Variants in SYN3 observed in about 807,000 individuals in gnomAD.
SYN3 encodes synapsin-3.
Under a neutral mutation model 65.8 loss-of-function variants are expected in SYN3, and 35 were observed. That is an observed-to-expected ratio of 0.53 (90% confidence interval 0.41 to 0.70). The LOEUF (loss-of-function observed/expected upper bound fraction) is 0.70, where lower values mean the gene tolerates loss of function less well. Among genes scored for constraint, SYN3 ranks in the 30% least tolerant of loss-of-function variants. SYN3 has a pLI of 0.00. For synonymous variants in SYN3, 270 were observed against 292.9 expected (o/e 0.92, Z 0.80); for missense variants, 680 against 749.0 (o/e 0.91, Z 1.08).
intron 13 of SYN3, 147 bp from the exon 14 acceptor site, chr22:32,513,971 T>C (rs2057728639): frequency 7.9e-6 from 8 of 1,014,790 alleles, no homozygotes; most frequent in Admixed American, 2.7e-5. Flanking sequence ...AATGCTTACA[T>C]GATGTCAGGT....
intron 2 of SYN3, among the ~76,000 whole-genome samples, chr22:33,000,534 T>G (rs563480061): frequency 2.0e-5 from 3 of 152,262 alleles, no homozygotes; most frequent in East Asian, 3.9e-4. Context: ...TTACCCCACC[T>G]GTCCACAACA....
At chr22:32,782,161 T>C (rs130544) in intron 6 of SYN3, among the ~76,000 whole-genome samples, 140,583 of 151,838 alleles carry the variant, frequency 0.93, 65,167 homozygotes, top group East Asian at 0.96. Flanking sequence ...CTCTGCCTCC[T>C]GGTTTCAAGC....
Position 33,006,253 on chromosome 22 carries a change from G to C in SYN3, c.311+99C>G, listed in dbSNP as rs1295760954. 2.2e-6 allele frequency: 3 copies of C among 1,372,198 alleles called. No individual in the cohort carries two copies. The East Asian group carries it at 6.9e-5, about 32-fold the overall frequency. 85.0% of individuals were successfully genotyped at this position (1,372,198 alleles called of 1,614,324 possible). The stretch of plus-strand genomic sequence containing the variant: ...CCAGCCAGGCTCTGATAGCACCCAA[G>C]CCTCTCATAGCTCTCCCCTTCTATT... On this transcript the variant is annotated intron_variant, in intron 2 of 13. Coordinates refer to ENST00000358763, the MANE Select transcript of SYN3 (RefSeq NM_003490.4).
chr22:32,678,309 C>T (rs1056735874), intron 6 of SYN3, among the ~76,000 whole-genome samples: 5 of 152,186 alleles, frequency 3.3e-5, no homozygotes, highest in Non-Finnish European at 7.4e-5. Flanking sequence ...AGCACAAACT[C>T]ACTGTGGGCT....
chr22:32,523,240 T>C lies in SYN3; in HGVS notation c.1318+4678A>G, dbSNP rs369053270. 1.2e-4 allele frequency among the ~76,000 whole-genome samples: 18 copies of C among 152,306 alleles called. No homozygotes were observed. In the South Asian group the frequency reaches 3.3e-3, roughly 28 times the overall value. ...TATAAGACAGTGAACTGGCCGGGCG[T>C]GGTGGCTCATGCCTGTAATCCCAGC... is the stretch of plus-strand genomic sequence containing the variant. On this transcript the variant is annotated intron_variant, in intron 12 of 13. Coordinates refer to ENST00000358763, the MANE Select transcript of SYN3 (RefSeq NM_003490.4).
intron 6 of SYN3, among the ~76,000 whole-genome samples, chr22:32,762,251 G>A (rs901549643): frequency 1.6e-4 from 24 of 151,094 alleles, no homozygotes; most frequent in East Asian, 7.8e-4. Context: ...CTGTCCATGC[G>A]TCCTTCCCCA....
rs117893608 is a variant in SYN3, at chr22:32,808,915, C to T, written c.711+56000G>A. 4.2e-3 allele frequency among the ~76,000 whole-genome samples: 646 copies of T among 152,298 alleles called. 11 individuals are homozygous for T. The East Asian group carries it at 0.046, about 11-fold the overall frequency. On this transcript the variant is annotated intron_variant, in intron 6 of 13. Coordinates refer to ENST00000358763, the MANE Select transcript of SYN3 (RefSeq NM_003490.4). ...GCCACCCAGAGGGATAAACCTAACC[C>T]ACTTTAGAGGGTAAGCACCCACTAT...
At chr22:32,681,160 G>T (rs1332699114) in intron 6 of SYN3, among the ~76,000 whole-genome samples, 1 of 129,826 alleles carries the variant, frequency 7.7e-6, no homozygotes, top group Non-Finnish European at 1.8e-5. Flanking sequence ...AGTCGACAGG[G>T]GTTGCAGAGG....
intron 3 of SYN3, among the ~76,000 whole-genome samples, chr22:32,944,481 C>T (rs891872140): frequency 2.0e-5 from 3 of 152,100 alleles, no homozygotes; most frequent in African/African-American, 7.2e-5. Flanking sequence ...AGGCCTTTGA[C>T]AAAATTCAAC....
chr22:32,934,673 T>C (rs745907898), intron 3 of SYN3, among the ~76,000 whole-genome samples: 4 of 152,226 alleles, frequency 2.6e-5, no homozygotes, highest in Non-Finnish European at 5.9e-5. Flanking sequence ...ATGAAAATTG[T>C]AGTGAATTGA....
At chr22:32,880,485 G>A (rs1233554537) in intron 4 of SYN3, among the ~76,000 whole-genome samples, 2 of 152,188 alleles carry the variant, frequency 1.3e-5, no homozygotes, top group Non-Finnish European at 2.9e-5. Context: ...TGAGGAAAGA[G>A]CGCTGGGCTT....
chr22:32,694,471 T>A (rs1405118755), intron 6 of SYN3, among the ~76,000 whole-genome samples: 1 of 152,226 alleles, frequency 6.6e-6, no homozygotes, highest in African/African-American at 2.4e-5. Context: ...AAATTGATAA[T>A]ATTGATACAG....
At chr22:32,840,646 C>G (rs1359114053) in intron 6 of SYN3, among the ~76,000 whole-genome samples, 1 of 152,078 alleles carries the variant, frequency 6.6e-6, no homozygotes, top group African/African-American at 2.4e-5. Context: ...CCGCCCCCTC[C>G]GCCCCCCACC....
intron 2 of SYN3, among the ~76,000 whole-genome samples, chr22:32,990,148 G>C (rs1360142691): frequency 6.6e-6 from 1 of 152,218 alleles, no homozygotes; most frequent in Non-Finnish European, 1.5e-5. Flanking sequence ...AGGATAAGGG[G>C]ATCACGGGGA....
At chr22:32,929,926 G>A (rs1307054823) in intron 4 of SYN3, among the ~76,000 whole-genome samples, 1 of 151,980 alleles carries the variant, frequency 6.6e-6, no homozygotes, top group Non-Finnish European at 1.5e-5. Context: ...TCTCTTCCTG[G>A]TAATTCCTTA....
At chr22:32,964,306 G>GCATTAA (rs2051755422) in intron 3 of SYN3, among the ~76,000 whole-genome samples, 1 of 148,444 alleles carries the variant, frequency 6.7e-6, no homozygotes, top group East Asian at 2.0e-4. Flanking sequence ...GGGAGGGATA[G>GCATTAA]CATTAACATG....
At chr22:32,581,792 C>CTTTTTTTTTTTTTTT (rs10716395) in intron 7 of SYN3, among the ~76,000 whole-genome samples, 3 of 84,318 alleles carry the variant, frequency 3.6e-5, no homozygotes, top group East Asian at 7.5e-4. Flanking sequence ...TTCTTTCTTT[C>CTTTTTTTTTTTTTTT]TTTTTTTTTT....
At chr22:32,732,597 C>T (rs989806323) in intron 6 of SYN3, among the ~76,000 whole-genome samples, 2 of 152,176 alleles carry the variant, frequency 1.3e-5, no homozygotes, top group African/African-American at 4.8e-5. Flanking sequence ...ATGAGTCATT[C>T]AATCTCCCTG....
At chr22:32,923,650 C>T (rs2050392482) in intron 4 of SYN3, among the ~76,000 whole-genome samples, 1 of 152,186 alleles carries the variant, frequency 6.6e-6, no homozygotes, top group Admixed American at 6.5e-5. Flanking sequence ...TGTTATGGCC[C>T]TATATGCCTG....
Sources: gnomAD v4.1 joint callset for allele counts (sites outside exome capture counted in the v4.1 genomes callset) on GRCh38, gnomAD v4.1.1 for gene constraint, MANE v1.5 for transcripts, NCBI Gene and HGNC (gene_info 2026-07-23, HGNC 2026-07-21) for gene names.